MYO18B: variants seen among roughly 807,000 people sequenced by gnomAD.
The protein encoded by MYO18B is myosin XVIIIB.
In MYO18B, 204 loss-of-function variants were observed where a neutral mutation model predicts 273.0. That is an observed-to-expected ratio of 0.75 (90% confidence interval 0.67 to 0.84). The LOEUF (loss-of-function observed/expected upper bound fraction) is 0.84. Ranked by LOEUF, MYO18B falls within the 40% of genes least tolerant of loss-of-function variation. The pLI is 0.00. For missense variants in MYO18B, 3,212 were observed against 3,287.6 expected (o/e 0.98, Z 0.56); for synonymous variants, 1,330 against 1,305.7 (o/e 1.02, Z -0.40).
At position 25,851,494 on chromosome 22, in the gene MYO18B, C is replaced by G; in HGVS notation, c.3800C>G (p.Thr1267Ser). 6.4e-7 allele frequency: 1 copy of G among 1,558,032 alleles called. No homozygotes were observed. The highest frequency in any genetic ancestry group is 8.7e-7 in the Non-Finnish European group (1 of 1,150,544). Residue 1267 changes from threonine (T) to serine (S), a missense_variant, in exon 21 of 44, where the codon ACT becomes AGT. Coordinates refer to ENST00000335473, the MANE Select transcript of MYO18B (RefSeq NM_032608.7). ...GGCTATGCTGACCACATGGGGCTCA[C>G]TCGCTTCCGCCGGCAATTCCAGGTG... ...RTGYADHMGLTRFRRQFQVLD... is the reference protein window; with the variant it reads ...RTGYADHMGLSRFRRQFQVLD...
At chr22:25,936,417 AG>A (rs2092578983) in intron 34 of MYO18B, among the ~76,000 whole-genome samples, 1 of 152,232 alleles carries the variant, frequency 6.6e-6, no homozygotes, top group Admixed American at 6.5e-5. Flanking sequence ...TTTACTCAGC[AG>A]GTGGTGAACA....
At position 25,768,724 on chromosome 22, in the gene MYO18B, G is replaced by C. The variant is rs775363786; in HGVS notation, c.808G>C (p.Ala270Pro). 3 of 1,592,374 alleles carry C rather than the reference G, an allele frequency of 1.9e-6. No homozygotes were observed. The highest frequency in any genetic ancestry group is 1.8e-5 in the Admixed American group (1 of 57,018). ...GKDRQGTRPQ[A>P]QGPGEGVRPG... ...AGACAGGCAGGGGACCAGGCCCCAA[G>C]CCCAAGGGCCCGGCGAGGGGGTGCG... Residue 270 changes from alanine to proline, a missense_variant, in exon 4 of 44, where the codon GCC (alanine) becomes CCC (proline). By Grantham distance (27) the Ala-to-Pro change is conservative. Coordinates refer to ENST00000335473, the MANE Select transcript of MYO18B (RefSeq NM_032608.7).
intron 12 of MYO18B, among the ~76,000 whole-genome samples, chr22:25,810,885 T>G (rs1659087782): frequency 6.6e-6 from 1 of 152,200 alleles, no homozygotes; most frequent in Admixed American, 6.5e-5. Flanking sequence ...GCAGCAAAGG[T>G]CCATCTATAC....
chr22:25,768,351 G>T lies in MYO18B; in HGVS notation c.435G>T (p.Lys145Asn). The change falls in exon 4 of 44, where the codon AAG becomes AAT. Residue 145 changes from lysine (K) to asparagine (N), a missense_variant. By Grantham distance (94) the Lys-to-Asn change is moderately conservative. Coordinates refer to ENST00000335473, the MANE Select transcript of MYO18B (RefSeq NM_032608.7). ...ATPTKKTVPF[K>N]RGVRRGDVLL... ...CAACCAAAAAGACTGTCCCCTTCAA[G>T]AGGGGCGTGAGGAGGGGTGATGTGT... is the stretch of plus-strand genomic sequence containing the variant. 6.2e-7 allele frequency: 1 copy of T among 1,613,840 alleles called. No homozygotes were observed. The highest frequency in any genetic ancestry group is 1.1e-5 in the South Asian group (1 of 91,020).
intron 1 of MYO18B, among the ~76,000 whole-genome samples, chr22:25,749,106 C>T (rs560072604): frequency 5.3e-5 from 8 of 152,304 alleles, no homozygotes; most frequent in Non-Finnish European, 8.8e-5. Flanking sequence ...ATGTAACCCA[C>T]GAGGCAGCCA....
chr22:25,817,200 T>TTTTC (rs150447515), intron 12 of MYO18B, among the ~76,000 whole-genome samples: 17,614 of 151,608 alleles, frequency 0.12, 1,345 homozygotes, highest in Middle Eastern at 0.2. Flanking sequence ...CTTCCTCCCT[T>TTTTC]TTTCTTTCTT....
At chr22:25,874,141 A>G in intron 22 of MYO18B, 145 bp from the exon 23 acceptor site, 1 of 919,062 alleles carries the variant, frequency 1.1e-6, no homozygotes, top group East Asian at 2.4e-5. Context: ...GATAATTTAG[A>G]CTCCCCCACC....
intron 43 of MYO18B, among the ~76,000 whole-genome samples, chr22:26,029,178 G>C (rs17295779): frequency 0.065 from 9,873 of 152,184 alleles, 393 homozygotes; most frequent in Middle Eastern, 0.15. Flanking sequence ...GTCTGATAGC[G>C]TATGAGCCTT....
intron 11 of MYO18B, among the ~76,000 whole-genome samples, chr22:25,787,160 A>G (rs2087426722): frequency 6.6e-6 from 1 of 152,044 alleles, no homozygotes; most frequent in South Asian, 2.1e-4. Context: ...GGTTGCAATG[A>G]GCAGAGATTG....
intron 1 of MYO18B, among the ~76,000 whole-genome samples, chr22:25,758,625 C>T (rs77844136): frequency 3.9e-5 from 6 of 152,064 alleles, no homozygotes; most frequent in East Asian, 3.9e-4. Context: ...TTTATGATTC[C>T]GTTATAGCGA....
intron 32 of MYO18B, among the ~76,000 whole-genome samples, 160 bp downstream of exon 32, chr22:25,908,592 A>T (rs971815305): frequency 6.6e-6 from 1 of 152,232 alleles, no homozygotes; most frequent in African/African-American, 2.4e-5. Flanking sequence ...TCAAAGGTGT[A>T]GGAGCGGAAA....
intron 32 of MYO18B, 71 bp downstream of exon 32, chr22:25,908,503 A>G: frequency 7.8e-7 from 1 of 1,281,330 alleles, no homozygotes; most frequent in Non-Finnish European, 1.1e-6. Context: ...TCTTCCTTAG[A>G]GCGAGGAGTA....
intron 12 of MYO18B, among the ~76,000 whole-genome samples, chr22:25,815,921 G>A (rs564451800): frequency 3.9e-5 from 6 of 152,232 alleles, no homozygotes; most frequent in African/African-American, 1.4e-4. Flanking sequence ...GTTAAGGTTC[G>A]GGCAATGATT....
chr22:25,946,318 T>C, intron 35 of MYO18B, 68 bp downstream of exon 35: 2 of 1,090,202 alleles, frequency 1.8e-6, no homozygotes, highest in African/African-American at 1.6e-5. Context: ...AGTGTGGGCC[T>C]AGTGTGCGCT....
rs1169720682 is a variant in MYO18B at position 25,877,956 on chromosome 22, T to C, written c.4225-3T>C. ...GTTTCTGTTCATGTGTTTGTTTTTG[T>C]AGGAGGAGCTTACAACGCTAAGACG... On this transcript the variant is annotated splice_polypyrimidine_tract_variant and splice_region_variant and intron_variant, in intron 24 of 43. Transcript: ENST00000335473. 3 of 1,567,852 alleles carry C rather than the reference T, an allele frequency of 1.9e-6. No homozygotes were observed. Among genetic ancestry groups the C allele is most frequent in the Non-Finnish European group, 2.6e-6 (3 of 1,155,896 alleles).
the MYO18B span, among the ~76,000 whole-genome samples, chr22:26,059,549 G>A: frequency 6.6e-6 from 1 of 152,238 alleles, no homozygotes; most frequent in Non-Finnish European, 1.5e-5. Flanking sequence ...GGCAAGGGAA[G>A]CTCAGGTGCC....
At chr22:25,906,766 C>T (rs5761307) in intron 31 of MYO18B, among the ~76,000 whole-genome samples, 38,182 of 151,986 alleles carry the variant, frequency 0.25, 5,575 homozygotes, top group Middle Eastern at 0.35. Context: ...GCAGGCAAGT[C>T]TTACATGGTG....
rs564803149 is a variant in MYO18B, at chr22:25,951,171, T to G, written c.5832+721T>G. Among the ~76,000 whole-genome samples the G allele has an allele frequency of 7.2e-5, 11 of 152,358 alleles. No individual in the cohort carries two copies. In the South Asian group the frequency reaches 2.3e-3, roughly 32 times the overall value. ...CACTGACTCAGATGTTAATCTCTTTTGGCAACAACCTCACAGATACACCCA... is the reference window on the plus strand; with the variant it reads ...CACTGACTCAGATGTTAATCTCTTTGGGCAACAACCTCACAGATACACCCA... On this transcript the variant is annotated intron_variant, in intron 37 of 43. Transcript: ENST00000335473.
chr22:25,829,417 A>G (rs7286591), intron 15 of MYO18B, among the ~76,000 whole-genome samples: 46,106 of 151,878 alleles, frequency 0.3, 8,402 homozygotes, highest in Non-Finnish European at 0.4. Context: ...AGGTACATGC[A>G]TCACAAAACC....
Sources: allele counts gnomAD v4.1 joint callset (sites outside exome capture counted in the v4.1 genomes callset), GRCh38; gene constraint gnomAD v4.1.1; transcripts MANE v1.5; gene names NCBI Gene and HGNC (gene_info 2026-07-23, HGNC 2026-07-21).